The following HPR variants were observed in gnomAD, a reference collection of about 807,000 sequenced individuals.
HPR encodes the protein Haptoglobin-related locus.
In HPR, 17 loss-of-function variants were observed where a neutral mutation model predicts 18.5. The ratio of observed to expected loss-of-function variants is 0.92; its 90% CI spans 0.63 to 1.38. The LOEUF (loss-of-function observed/expected upper bound fraction) is 1.38. Ranked by LOEUF, HPR falls within the 40% of genes most tolerant of loss-of-function variation. The pLI is 0.00. For missense variants in HPR, 457 were observed against 432.4 expected, an observed-to-expected ratio of 1.06 and a Z score of -0.51; for synonymous variants, 176 against 165.0, an observed-to-expected ratio of 1.07 and a Z score of -0.51.
intron 1 of HPR, among the ~76,000 whole-genome samples, chr16:72,071,186 G>A (rs1356373000): frequency 6.6e-6 from 1 of 152,088 alleles, no homozygotes; most frequent in African/African-American, 2.4e-5. Flanking sequence ...CGAGCTCAGC[G>A]TCCTCCTCCC....
In HPR at chr16:72,074,394, T is replaced by A; in HGVS notation, c.193+9T>A. Reference sequence around the variant, plus strand: ...GCGCACAGAAGGAGATGGTAAGACCTGGACAACTATCTCTGTGCTCTACCT... The same window carrying A: ...GCGCACAGAAGGAGATGGTAAGACCAGGACAACTATCTCTGTGCTCTACCT... On this transcript the variant is annotated intron_variant, in intron 3 of 4. Transcript: ENST00000540303. The A allele has an allele frequency of 6.3e-7, 1 of 1,585,636 alleles. No individual in the cohort carries two copies. The highest frequency in any genetic ancestry group is 8.7e-7 in the Non-Finnish European group (1 of 1,154,054).
chr16:72,069,746 C>A (rs1163119435), intron 1 of HPR, among the ~76,000 whole-genome samples: 1 of 152,146 alleles, frequency 6.6e-6, no homozygotes, highest in Non-Finnish European at 1.5e-5. Flanking sequence ...AGAAAACCGC[C>A]CCTTGGAGAA....
At chr16:72,076,257 G>A (rs1442733658) in intron 4 of HPR, 46 bp from the exon 5 acceptor site, 2 of 1,599,748 alleles carry the variant, frequency 1.3e-6, no homozygotes, top group Non-Finnish European at 1.7e-6. Flanking sequence ...CAGATGGAAA[G>A]GCTCTTGCAC....
At chr16:72,073,284 T>A (rs2041676814) in intron 1 of HPR, among the ~76,000 whole-genome samples, 1 of 152,222 alleles carries the variant, frequency 6.6e-6, no homozygotes, top group South Asian at 2.1e-4. Flanking sequence ...AGGAGCAACC[T>A]TATGCAAAAG....
chr16:72,076,277 C>A lies in HPR; in HGVS notation c.269-26C>A, dbSNP rs759249517. The A allele has an allele frequency of 6.8e-5, 110 of 1,606,938 alleles. No individual in the cohort carries two copies. In the South Asian group the frequency reaches 1.1e-3, roughly 17 times the overall value. On this transcript the variant is annotated intron_variant, in intron 4 of 4. Transcript: ENST00000540303. ...GGAAAGGCTCTTGCACATTTCCACT[C>A]ACGAGTGTCTTGCTCTCCTTGACAG...
At chr16:72,071,715 T>C (rs150244294) in intron 1 of HPR, among the ~76,000 whole-genome samples, 58 of 152,328 alleles carry the variant, frequency 3.8e-4, no homozygotes, top group Non-Finnish European at 7.1e-4. Context: ...GGACCATTAC[T>C]GGACACTGCC....
Position 72,076,819 on chromosome 16 carries a change from A to G in HPR, c.785A>G (p.Lys262Arg), listed in dbSNP as rs778985610. 6.2e-7 allele frequency: 1 copy of G among 1,614,248 alleles called. No individual in the cohort carries two copies. Among genetic ancestry groups the G allele is most frequent in the East Asian group, 2.2e-5 (1 of 44,884 alleles). Residue 262 changes from lysine to arginine, a missense_variant, in exon 5 of 5, where the codon AAA (lysine) becomes AGA (arginine). By Grantham distance (26) the Lys-to-Arg change is conservative (BLOSUM62 2). Transcript: ENST00000540303. The stretch of plus-strand genomic sequence containing the variant: ...CATTATGAAGGCAGCACATGCCCCA[A>G]ATGGAAGGCACCGAAGAGCCCTGTA... ...ITHYEGSTCP[K>R]WKAPKSPVGV...
chr16:72,067,690 A>C (rs2041612619), intron 1 of HPR, among the ~76,000 whole-genome samples: 1 of 152,206 alleles, frequency 6.6e-6, no homozygotes, highest in Non-Finnish European at 1.5e-5. Flanking sequence ...CTTAGAGGGC[A>C]TGCTAGGGCT....
chr16:72,075,602 G>A (rs1469121272), intron 4 of HPR, among the ~76,000 whole-genome samples: 5 of 152,194 alleles, frequency 3.3e-5, no homozygotes, highest in Admixed American at 6.5e-5. Flanking sequence ...GACATGGGCT[G>A]GAACTCCTGC....
intron 1 of HPR, among the ~76,000 whole-genome samples, chr16:72,069,258 G>C (rs914624511): frequency 2.6e-5 from 4 of 152,132 alleles, no homozygotes; most frequent in African/African-American, 9.7e-5. Context: ...TCATGACCTT[G>C]TTCATAAGGA....
In HPR at chr16:72,074,386, G is replaced by T. The variant is rs773961309; in HGVS notation, c.193+1G>T. On this transcript the variant is annotated splice_donor_variant, in intron 3 of 4. Coordinates refer to ENST00000540303, the MANE Select transcript of HPR (RefSeq NM_020995.4). LOFTEE classifies it high-confidence loss of function. ...TACAGACTGCGCACAGAAGGAGATG[G>T]TAAGACCTGGACAACTATCTCTGTG... 7 of 1,602,576 alleles carry T rather than the reference G, an allele frequency of 4.4e-6. No individual in the cohort carries two copies. Among genetic ancestry groups the T allele is most frequent in the Admixed American group, 3.3e-5 (2 of 59,980 alleles).
chr16:72,066,240 C>T (rs1483377778), intron 1 of HPR, among the ~76,000 whole-genome samples: 1 of 152,134 alleles, frequency 6.6e-6, no homozygotes, highest in Non-Finnish European at 1.5e-5. Context: ...AGAACTTAAG[C>T]CACTGCTAGA....
At chr16:72,074,114 C>G in intron 2 of HPR, 137 bp downstream of exon 2, 1 of 1,346,142 alleles carries the variant, frequency 7.4e-7, no homozygotes, top group Non-Finnish European at 1.1e-6. Context: ...TCAGGACTGC[C>G]AAGAACATTG....
At chr16:72,065,353 T>C (rs1293105807) in intron 1 of HPR, among the ~76,000 whole-genome samples, 1 of 151,858 alleles carries the variant, frequency 6.6e-6, no homozygotes, top group Non-Finnish European at 1.5e-5. Context: ...AAAAAAGAAA[T>C]TCCTAATATG....
intron 3 of HPR, among the ~76,000 whole-genome samples, 193 bp from the exon 4 acceptor site, chr16:72,074,952 C>T (rs571362019): frequency 6.6e-6 from 1 of 152,288 alleles, no homozygotes; most frequent in South Asian, 2.1e-4. Context: ...CTGGGCTTAA[C>T]TGGTGTCCAG....
intron 1 of HPR, among the ~76,000 whole-genome samples, chr16:72,066,853 T>G (rs192850918): frequency 6.6e-6 from 1 of 152,140 alleles, no homozygotes; most frequent in Non-Finnish European, 1.5e-5. Context: ...ACCAATGTTA[T>G]CTACTTTCCA....
At chr16:72,073,121 C>T (rs2041675001) in intron 1 of HPR, among the ~76,000 whole-genome samples, 1 of 152,178 alleles carries the variant, frequency 6.6e-6, no homozygotes. Flanking sequence ...CACATTCCTG[C>T]ACTTTTCAAG....
At chr16:72,071,111 T>C (rs2041650759) in intron 1 of HPR, among the ~76,000 whole-genome samples, 1 of 151,880 alleles carries the variant, frequency 6.6e-6, no homozygotes, top group South Asian at 2.1e-4. Flanking sequence ...ACAATGATAA[T>C]TAAAAAAAAA....
intron 4 of HPR, among the ~76,000 whole-genome samples, chr16:72,075,833 CTTT>C (rs34334289): frequency 2.8e-5 from 4 of 142,596 alleles, no homozygotes; most frequent in Admixed American, 1.4e-4. Context: ...TTCTTTCTTT[CTTT>C]TTTTTTTTTT....
Sources: allele counts gnomAD v4.1 joint callset (sites outside exome capture counted in the v4.1 genomes callset), GRCh38; gene constraint gnomAD v4.1.1; transcripts MANE v1.5; gene names NCBI Gene and HGNC (gene_info 2026-07-23, HGNC 2026-07-21).